The following IL1RAPL1 variants were observed in gnomAD, a reference collection of about 807,000 sequenced individuals.
IL1RAPL1 encodes the protein interleukin 1 receptor accessory protein like 1.
Under a neutral mutation model 48.4 loss-of-function variants are expected in IL1RAPL1, and 3 were observed. That is an observed-to-expected ratio of 0.06 (90% CI 0.03 to 0.16). IL1RAPL1 has a LOEUF of 0.16. Ranked by LOEUF, IL1RAPL1 falls within the 10% of genes least tolerant of loss-of-function variation. The probability of loss-of-function intolerance (pLI) is 1.00; values close to 1 mark genes in which losing one functional copy is unlikely to be tolerated. For synonymous variants in IL1RAPL1, 185 were observed against 187.7 expected (o/e 0.99, Z 0.12); for missense variants, 349 against 530.6 (o/e 0.66, Z 3.36).
At chrX:28,798,388 T>TA (rs1327533123) in intron 2 of IL1RAPL1, among the ~76,000 whole-genome samples, 33 of 111,720 alleles carry the variant, frequency 3.0e-4, no homozygotes, top group Admixed American at 2.0e-3. Flanking sequence ...TTTATTATCT[T>TA]ACAGTTCTTG....
chrX:29,320,691 G>C (rs758879990), intron 3 of IL1RAPL1, among the ~76,000 whole-genome samples: 1 of 109,931 alleles, frequency 9.1e-6, no homozygotes, highest in African/African-American at 3.3e-5. Context: ...GCTTGAAACC[G>C]GGAGGCTGAG....
chrX:29,074,866 A>G (rs1927636851), intron 2 of IL1RAPL1, among the ~76,000 whole-genome samples: 1 of 112,252 alleles, frequency 8.9e-6, no homozygotes, highest in Non-Finnish European at 1.9e-5. Flanking sequence ...TTCATCATTA[A>G]AAAGAAGCCC....
Position 29,600,491 on chromosome X carries a change from G to A in IL1RAPL1, c.704-67939G>A, listed in dbSNP as rs776706954. Among the ~76,000 whole-genome samples the A allele has an allele frequency of 1.1e-3, 119 of 112,241 alleles. 1 individual carries two copies. Among genetic ancestry groups the A allele is most frequent in the African/African-American group, 3.6e-3 (112 of 30,874 alleles). On this transcript the variant is annotated intron_variant, in intron 5 of 10. Transcript: ENST00000378993. Reference sequence around the variant, plus strand: ...TTTTTGTTTAGTGCACTGGTTTTGTGTTGGTTGGCCTCCAGCCAGGAGCTG... The same window carrying A: ...TTTTTGTTTAGTGCACTGGTTTTGTATTGGTTGGCCTCCAGCCAGGAGCTG...
chrX:28,594,689 A>G (rs1463388816), intron 1 of IL1RAPL1, among the ~76,000 whole-genome samples: 1 of 112,040 alleles, frequency 8.9e-6, no homozygotes, highest in African/African-American at 3.2e-5. Flanking sequence ...ATTTTTTATT[A>G]GTACAGCTAA....
chrX:29,359,118 T>C (rs1472636111), intron 3 of IL1RAPL1, among the ~76,000 whole-genome samples: 1 of 111,986 alleles, frequency 8.9e-6, no homozygotes. Context: ...GTGGTTTATA[T>C]ACTACAATAG....
In IL1RAPL1 at chrX:29,306,452, C is replaced by A. The variant is rs28550458; in HGVS notation, c.362+23235C>A. Among the ~76,000 whole-genome samples, 707 of 92,578 alleles carry A rather than the reference C, an allele frequency of 7.6e-3. 5 individuals are homozygous for A. Among genetic ancestry groups the A allele is most frequent in the Admixed American group, 0.011 (85 of 7,618 alleles). The allele number at this position is 92,578 out of a possible 115,157, so 80.4% of individuals were successfully genotyped here. A position where few individuals can be genotyped will look rare whatever the true frequency, so the allele number is the denominator to read the frequency against. ...GCTGAGGCAGGAGAATGGCTTGAAT[C>A]TGGGAGGCAGAGGTTGCAGCAAGCC... On this transcript the variant is annotated intron_variant, in intron 3 of 10. Transcript: ENST00000378993.
At chrX:29,831,565 TAAGA>T (rs1930877062) in intron 6 of IL1RAPL1, among the ~76,000 whole-genome samples, 1 of 112,119 alleles carries the variant, frequency 8.9e-6, no homozygotes, top group African/African-American at 3.2e-5. Context: ...GTTGTTGTGC[TAAGA>T]AATTTGGGCT....
chrX:28,955,592 A>G (rs367858907), intron 2 of IL1RAPL1, among the ~76,000 whole-genome samples: 5 of 107,538 alleles, frequency 4.6e-5, no homozygotes, highest in East Asian at 2.9e-4. Flanking sequence ...ATAGTTGTAG[A>G]TATGCGGCGT....
At chrX:29,867,220 T>C (rs1421088886) in intron 6 of IL1RAPL1, among the ~76,000 whole-genome samples, 1 of 112,285 alleles carries the variant, frequency 8.9e-6, no homozygotes, top group African/African-American at 3.2e-5. Context: ...AACTAAACTT[T>C]TGCCCTGATT....
At chrX:29,308,707 G>C (rs1012831024) in intron 3 of IL1RAPL1, among the ~76,000 whole-genome samples, 1 of 112,065 alleles carries the variant, frequency 8.9e-6, no homozygotes, top group African/African-American at 3.2e-5. Flanking sequence ...AATTTCTTAA[G>C]GATCTGTCCT....
intron 5 of IL1RAPL1, among the ~76,000 whole-genome samples, chrX:29,421,007 T>A (rs1176315335): frequency 3.6e-5 from 4 of 111,997 alleles, no homozygotes; most frequent in African/African-American, 6.5e-5. Context: ...TCAATTGAAG[T>A]GTTTTTAAAA....
chrX:29,236,545 C>CTTTTTT (rs754996544), intron 2 of IL1RAPL1, among the ~76,000 whole-genome samples: 29 of 63,158 alleles, frequency 4.6e-4, no homozygotes, highest in South Asian at 9.7e-4. Context: ...CTTTTTTTTT[C>CTTTTTT]TTTTTTTTTT....
intron 2 of IL1RAPL1, among the ~76,000 whole-genome samples, chrX:29,227,640 CATAAA>C (rs998962795): frequency 6.3e-5 from 7 of 111,735 alleles, no homozygotes; most frequent in Non-Finnish European, 1.3e-4. Context: ...ACTTTTTTGA[CATAAA>C]ATAAGCACTC....
chrX:29,089,749 A>AAT (rs1159198583), intron 2 of IL1RAPL1, among the ~76,000 whole-genome samples: 1,156 of 16,944 alleles, frequency 0.068, 76 homozygotes, highest in South Asian at 0.08. Context: ...GAGAAATATG[A>AAT]ATATATATAT....
intron 6 of IL1RAPL1, among the ~76,000 whole-genome samples, chrX:29,715,653 T>G (rs756499622): frequency 7.8e-4 from 87 of 111,696 alleles, no homozygotes; most frequent in Non-Finnish European, 1.5e-3. Context: ...TTTTCTACCC[T>G]ATCCTGCTTC....
At chrX:29,112,086 C>G (rs1409878782) in intron 2 of IL1RAPL1, among the ~76,000 whole-genome samples, 1 of 108,851 alleles carries the variant, frequency 9.2e-6, no homozygotes, top group Non-Finnish European at 1.9e-5. Flanking sequence ...GGCACCACCA[C>G]GCCCGGCTAA....
At chrX:29,034,851 CT>C (rs762954379) in intron 2 of IL1RAPL1, among the ~76,000 whole-genome samples, 4,887 of 99,882 alleles carry the variant, frequency 0.049, 103 homozygotes, top group African/African-American at 0.067. Flanking sequence ...GTATTTAATT[CT>C]TTTTTTTTTT....
chrX:29,455,373 C>T (rs1344459371), intron 5 of IL1RAPL1, among the ~76,000 whole-genome samples: 1 of 111,947 alleles, frequency 8.9e-6, no homozygotes, highest in African/African-American at 3.2e-5. Context: ...TCTCCTTAAG[C>T]TTTAAGTGGT....
chrX:29,154,601 A>T (rs1193579844), intron 2 of IL1RAPL1, among the ~76,000 whole-genome samples: 2 of 111,710 alleles, frequency 1.8e-5, no homozygotes, highest in Middle Eastern at 4.6e-3. Flanking sequence ...ATCTATAAAA[A>T]GTTCCTAATA....
Sources: allele counts gnomAD v4.1 joint callset (sites outside exome capture counted in the v4.1 genomes callset), GRCh38; gene constraint gnomAD v4.1.1; transcripts MANE v1.5; gene names NCBI Gene and HGNC (gene_info 2026-07-23, HGNC 2026-07-21).